The following FGGY variants were observed in gnomAD, a reference collection of about 807,000 sequenced individuals.
FGGY encodes FGGY carbohydrate kinase domain-containing protein.
In FGGY, 72 loss-of-function variants were observed where a neutral mutation model predicts 71.3. The ratio of observed to expected loss-of-function variants is 1.01; its 90% CI spans 0.84 to 1.23. FGGY has a LOEUF of 1.23. Among genes scored for constraint, FGGY ranks in the 50% most tolerant of loss-of-function variants. The pLI is 0.00. For missense variants in FGGY, 668 were observed against 682.3 expected (o/e 0.98, Z 0.23); for synonymous variants, 251 against 250.3 (o/e 1.00, Z -0.02).
At chr1:59,527,331 G>A (rs191375211) in intron 7 of FGGY, among the ~76,000 whole-genome samples, 27 of 152,272 alleles carry the variant, frequency 1.8e-4, no homozygotes, top group Admixed American at 1.2e-3. Flanking sequence ...CTTTGCAACC[G>A]CACTTACCCT....
chr1:59,346,372 G>T lies in FGGY; in HGVS notation c.439G>T (p.Ala147Ser). The T allele has an allele frequency of 6.2e-7, 1 of 1,611,474 alleles. No homozygotes were observed. Among genetic ancestry groups the T allele is most frequent in the Non-Finnish European group, 8.5e-7 (1 of 1,179,504 alleles). Residue 147 changes from alanine (A) to serine (S), a missense_variant, in exon 4 of 16, where the codon GCC (alanine) becomes TCC (serine). Around this residue, in one of 2 missense-constraint regions of FGGY, gnomAD observed 661 missense variants for 661.6 expected, o/e 1.00. Coordinates refer to ENST00000303721, the MANE Select transcript of FGGY (RefSeq NM_018291.5). ...VGGVMSVEMQ[A>S]PKLLWLKENL... ...GGGGGTGATGTCTGTGGAAATGCAG[G>T]CCCCGAAACTTCTGTGGCTGAAAGA...
chr1:59,457,678 G>A (rs1351730792), intron 6 of FGGY, among the ~76,000 whole-genome samples: 1 of 152,122 alleles, frequency 6.6e-6, no homozygotes, highest in African/African-American at 2.4e-5. Flanking sequence ...CTTGGGAATA[G>A]CATACTCAAG....
chr1:59,423,326 T>C (rs2065779081), intron 5 of FGGY, among the ~76,000 whole-genome samples: 1 of 152,334 alleles, frequency 6.6e-6, no homozygotes, highest in South Asian at 2.1e-4. Context: ...TATCTGATTT[T>C]TTTTTCTTTG....
chr1:59,354,752 A>T (rs1463430035), intron 4 of FGGY, among the ~76,000 whole-genome samples: 1 of 152,248 alleles, frequency 6.6e-6, no homozygotes, highest in African/African-American at 2.4e-5. Context: ...CTGGGAACTT[A>T]GAGTCTAGTG....
chr1:59,660,483 C>A lies in FGGY; in HGVS notation c.1296+190C>A, dbSNP rs144002610. The A allele has an allele frequency of 1.4e-3, 597 of 422,426 alleles. 10 individuals carry two copies. The East Asian group carries it at 0.021, about 15-fold the overall frequency. The allele number at this position is 422,426 out of a possible 1,614,324, so 26.2% of individuals were successfully genotyped here. A position where few individuals can be genotyped will look rare whatever the true frequency, so the allele number is the denominator to read the frequency against. On this transcript the variant is annotated intron_variant, in intron 12 of 15. Transcript: ENST00000303721. Reference sequence around the variant, plus strand: ...AGGCCTCACCTGCTTTAACTAATAACCTCACATAACAAAAAGCTGAAAGGA... The same window carrying A: ...AGGCCTCACCTGCTTTAACTAATAAACTCACATAACAAAAAGCTGAAAGGA...
chr1:59,397,875 C>T (rs776216357), intron 5 of FGGY, among the ~76,000 whole-genome samples: 3 of 152,232 alleles, frequency 2.0e-5, no homozygotes, highest in Middle Eastern at 3.2e-3. Flanking sequence ...TCCTATTTGA[C>T]AACAGTCATA....
intron 4 of FGGY, among the ~76,000 whole-genome samples, chr1:59,354,295 T>C (rs1194824355): frequency 6.6e-6 from 1 of 152,140 alleles, no homozygotes; most frequent in Non-Finnish European, 1.5e-5. Flanking sequence ...CCCAGGCTGG[T>C]CTCAAACTCC....
intron 4 of FGGY, among the ~76,000 whole-genome samples, chr1:59,372,240 C>G (rs907436941): frequency 6.6e-6 from 1 of 152,024 alleles, no homozygotes; most frequent in Non-Finnish European, 1.5e-5. Context: ...ACCACCGATC[C>G]CACAGAAATA....
At chr1:59,521,929 G>A (rs891836191) in intron 7 of FGGY, among the ~76,000 whole-genome samples, 1 of 152,088 alleles carries the variant, frequency 6.6e-6, no homozygotes, top group South Asian at 2.1e-4. Flanking sequence ...TCTTTGTTTT[G>A]TTGTCACAAT....
intron 8 of FGGY, among the ~76,000 whole-genome samples, chr1:59,584,769 C>A (rs1464090944): frequency 1.3e-5 from 2 of 149,932 alleles, no homozygotes; most frequent in African/African-American, 2.5e-5. Flanking sequence ...ATCTAGAAAA[C>A]CCCATCATCT....
intron 5 of FGGY, among the ~76,000 whole-genome samples, chr1:59,449,561 G>A (rs1406295828): frequency 6.6e-6 from 1 of 152,126 alleles, no homozygotes. Flanking sequence ...GGGATTATAG[G>A]CGTGAGCCAC....
intron 14 of FGGY, among the ~76,000 whole-genome samples, chr1:59,689,801 A>T (rs1437273811): frequency 2.6e-5 from 4 of 152,170 alleles, no homozygotes; most frequent in Non-Finnish European, 4.4e-5. Context: ...TTCAGGATGG[A>T]GAAAGCACCT....
intron 5 of FGGY, among the ~76,000 whole-genome samples, chr1:59,416,783 C>A (rs1427672762): frequency 6.6e-6 from 1 of 152,094 alleles, no homozygotes; most frequent in East Asian, 1.9e-4. Flanking sequence ...AAACCTTTCC[C>A]AGGAATCTTC....
At chr1:59,433,549 C>A (rs1455553052) in intron 5 of FGGY, among the ~76,000 whole-genome samples, 1 of 152,202 alleles carries the variant, frequency 6.6e-6, no homozygotes, top group Non-Finnish European at 1.5e-5. Flanking sequence ...CTTACTGGGT[C>A]ATGGAGACCA....
chr1:59,725,234 A>T (rs2097932665), intron 14 of FGGY, among the ~76,000 whole-genome samples: 1 of 152,210 alleles, frequency 6.6e-6, no homozygotes, highest in Non-Finnish European at 1.5e-5. Context: ...CCTTTGAATT[A>T]CCTTTACTCC....
chr1:59,524,746 C>T (rs1204572609), intron 7 of FGGY, among the ~76,000 whole-genome samples: 1 of 152,226 alleles, frequency 6.6e-6, no homozygotes, highest in African/African-American at 2.4e-5. Context: ...GAGCTACCCA[C>T]TTTGGGTCTT....
intron 8 of FGGY, among the ~76,000 whole-genome samples, chr1:59,598,972 A>G (rs917392979): frequency 6.6e-6 from 1 of 152,234 alleles, no homozygotes; most frequent in Non-Finnish European, 1.5e-5. Context: ...AAGCTACAAT[A>G]CAGGAATTAC....
intron 14 of FGGY, among the ~76,000 whole-genome samples, chr1:59,718,919 C>T (rs1165550761): frequency 1.3e-5 from 2 of 152,318 alleles, no homozygotes; most frequent in Admixed American, 6.5e-5. Flanking sequence ...TCCTGACCCC[C>T]CTATAACTGG....
chr1:59,701,001 CCTCT>C (rs2097704918), intron 14 of FGGY, among the ~76,000 whole-genome samples: 1 of 152,140 alleles, frequency 6.6e-6, no homozygotes, highest in Non-Finnish European at 1.5e-5. Context: ...CTGTGGGGCT[CCTCT>C]CTCTTTCCTT....
Sources: gnomAD v4.1 joint callset for allele counts (sites outside exome capture counted in the v4.1 genomes callset) on GRCh38, gnomAD v4.1.1 for gene constraint, gnomAD v4.1.1 regional missense constraint, MANE v1.5 for transcripts, NCBI Gene and HGNC (gene_info 2026-07-23, HGNC 2026-07-21) for gene names.